The following FOXN3 variants were observed in gnomAD, a reference collection of about 807,000 sequenced individuals.
FOXN3 encodes forkhead box protein N3.
A neutral mutation model predicts 38.4 loss-of-function variants in FOXN3; 7 were observed. The observed-to-expected ratio is 0.18, with a 90% CI of 0.10 to 0.34. The LOEUF (loss-of-function observed/expected upper bound fraction) is 0.34, where lower values mean the gene tolerates loss of function less well. FOXN3 is among the 10% of genes least tolerant of loss of function. FOXN3 has a pLI of 1.00. For missense variants in FOXN3, 456 were observed against 613.4 expected, an observed-to-expected ratio of 0.74 and a Z score of 2.71; for synonymous variants, 230 against 242.2, an observed-to-expected ratio of 0.95 and a Z score of 0.47.
At chr14:89,475,324 T>C (rs983472644) in intron 1 of FOXN3, among the ~76,000 whole-genome samples, 12 of 152,132 alleles carry the variant, frequency 7.9e-5, no homozygotes, top group Non-Finnish European at 1.8e-4. Context: ...GCTGTGGTAA[T>C]AATAGGCCAT....
At chr14:89,298,529 C>T (rs933277152) in intron 3 of FOXN3, among the ~76,000 whole-genome samples, 6 of 149,124 alleles carry the variant, frequency 4.0e-5, no homozygotes, top group Non-Finnish European at 5.9e-5. Flanking sequence ...TGTCTTTTAC[C>T]ACAATTTAAT....
chr14:89,338,605 C>G (rs1377068103), intron 3 of FOXN3, among the ~76,000 whole-genome samples: 4 of 152,096 alleles, frequency 2.6e-5, no homozygotes, highest in African/African-American at 9.7e-5. Flanking sequence ...ACCAGCCTGG[C>G]CAACATGGTG....
intron 2 of FOXN3, among the ~76,000 whole-genome samples, chr14:89,392,634 C>T (rs1490662569): frequency 2.9e-5 from 3 of 101,732 alleles, no homozygotes; most frequent in Admixed American, 3.0e-4. Flanking sequence ...GTCTGTGTCT[C>T]GTCTTTTTTT....
chr14:89,414,478 C>G (rs528300428), intron 1 of FOXN3, among the ~76,000 whole-genome samples: 1 of 151,952 alleles, frequency 6.6e-6, no homozygotes, highest in Admixed American at 6.5e-5. Context: ...AATTATAGTA[C>G]CTTCCCTCTT....
At chr14:89,503,212 C>T (rs7147122) in intron 1 of FOXN3, among the ~76,000 whole-genome samples, 18,517 of 151,956 alleles carry the variant, frequency 0.12, 2,444 homozygotes, top group African/African-American at 0.34. Flanking sequence ...TAATGTCTGA[C>T]ACGTGCTACT....
intron 4 of FOXN3, among the ~76,000 whole-genome samples, chr14:89,238,335 C>T (rs542327562): frequency 2.0e-5 from 3 of 152,272 alleles, no homozygotes; most frequent in East Asian, 3.9e-4. Flanking sequence ...ACTGATGTAC[C>T]GCAATTTAAT....
chr14:89,414,361 A>T (rs950198859), intron 1 of FOXN3, among the ~76,000 whole-genome samples: 2 of 152,024 alleles, frequency 1.3e-5, no homozygotes, highest in Non-Finnish European at 2.9e-5. Flanking sequence ...TTAAATGTTC[A>T]TTAACACCAC....
chr14:89,238,136 C>T (rs1259483997), intron 4 of FOXN3, among the ~76,000 whole-genome samples: 2 of 152,236 alleles, frequency 1.3e-5, no homozygotes, highest in African/African-American at 4.8e-5. Context: ...AAATTCCCAT[C>T]CTTGTATACT....
intron 1 of FOXN3, among the ~76,000 whole-genome samples, chr14:89,535,571 G>C (rs1442217070): frequency 6.6e-6 from 1 of 152,128 alleles, no homozygotes; most frequent in Admixed American, 6.5e-5. Flanking sequence ...TTTTACTAAA[G>C]AGGTGCTGTT....
rs1389387094 is a variant in FOXN3, at chr14:89,424,137, G to A, written c.-14-11647C>T. 3.3e-5 allele frequency among the ~76,000 whole-genome samples: 5 copies of A among 152,192 alleles called. No individual in the cohort carries two copies. In the East Asian group the frequency reaches 9.6e-4, roughly 29 times the overall value. ...GAAATTGCTGAAATAAGAGGCCAGA[G>A]GCATATTATTACATTCTGTGGGGCA... On this transcript the variant is annotated intron_variant, in intron 1 of 6. Coordinates refer to the FOXN3 transcript ENST00000345097.
chr14:89,254,215 A>C (rs2044065333), intron 4 of FOXN3, among the ~76,000 whole-genome samples: 1 of 152,236 alleles, frequency 6.6e-6, no homozygotes, highest in Non-Finnish European at 1.5e-5. Context: ...GAGAGTGCTC[A>C]GAAGAGGCTC....
chr14:89,472,678 G>A (rs191933396), intron 1 of FOXN3, among the ~76,000 whole-genome samples: 116 of 138,070 alleles, frequency 8.4e-4, no homozygotes, highest in African/African-American at 2.8e-3. Flanking sequence ...CCGAGATCGC[G>A]CCACTGCACT....
At chr14:89,176,077 T>C (rs1851623989) in intron 5 of FOXN3, among the ~76,000 whole-genome samples, 1 of 152,214 alleles carries the variant, frequency 6.6e-6, no homozygotes, top group Admixed American at 6.5e-5. Flanking sequence ...TTGAGGATGA[T>C]GTGTCTTGAG....
chr14:89,157,387 G>A lies in FOXN3; in HGVS notation c.*5027C>T, dbSNP rs919111016. The A allele has an allele frequency of 2.0e-5, 3 of 152,642 alleles. No individual in the cohort carries two copies. The highest frequency in any genetic ancestry group is 2.4e-5 in the African/African-American group (1 of 41,450). The allele number at this position is 152,642 out of a possible 1,614,324, so 9.5% of individuals were successfully genotyped here. ...CATGATAAAGCAACCGAGCTGACGA[G>A]TCTGTGCTTAATTCAAGAATAACCA... is the stretch of plus-strand genomic sequence containing the variant. On this transcript the variant is annotated 3_prime_UTR_variant, in exon 6 of 6. Coordinates refer to ENST00000557258, the MANE Select transcript of FOXN3 (RefSeq NM_005197.4).
intron 5 of FOXN3, among the ~76,000 whole-genome samples, chr14:89,175,561 C>A (rs1596081078): frequency 6.6e-6 from 1 of 152,172 alleles, no homozygotes; most frequent in African/African-American, 2.4e-5. Flanking sequence ...GTGCTGGGCA[C>A]ACAGCTGTGT....
chr14:89,298,815 A>G (rs1248560550), intron 3 of FOXN3, among the ~76,000 whole-genome samples: 6 of 152,306 alleles, frequency 3.9e-5, no homozygotes, highest in South Asian at 4.1e-4. Flanking sequence ...GTACAGAGGA[A>G]CCCCTGCAGC....
intron 3 of FOXN3, among the ~76,000 whole-genome samples, chr14:89,336,417 C>A (rs1254873691): frequency 6.6e-6 from 1 of 152,182 alleles, no homozygotes; most frequent in African/African-American, 2.4e-5. Context: ...CCCTAAATTC[C>A]TTTTTAACAA....
In FOXN3 at chr14:89,186,172, G is replaced by A. The variant is rs997179687; in HGVS notation, c.746-5366C>T. Among the ~76,000 whole-genome samples, 14 of 152,232 alleles carry A rather than the reference G, an allele frequency of 9.2e-5. No homozygotes were observed. In the South Asian group the frequency reaches 2.9e-3, roughly 32 times the overall value. On this transcript the variant is annotated intron_variant, in intron 4 of 5. Transcript: ENST00000557258. The stretch of plus-strand genomic sequence containing the variant: ...GTCAGCCTTTCCACCTGCTTACTTG[G>A]AAGCACACTGGGGAGGGGGCTGGCA...
intron 4 of FOXN3, among the ~76,000 whole-genome samples, chr14:89,252,782 A>G (rs1205408719): frequency 6.6e-6 from 1 of 152,198 alleles, no homozygotes; most frequent in South Asian, 2.1e-4. Flanking sequence ...AAATCTTGGA[A>G]TAAAGAGTTA....
Sources: allele counts gnomAD v4.1 joint callset (sites outside exome capture counted in the v4.1 genomes callset), GRCh38; gene constraint gnomAD v4.1.1; transcripts MANE v1.5; gene names NCBI Gene and HGNC (gene_info 2026-07-23, HGNC 2026-07-21).